ST6GALNAC3: variants seen among roughly 807,000 people sequenced by gnomAD.
ST6GALNAC3 encodes the protein alpha-N-acetylgalactosaminide alpha-2,6-sialyltransferase 3.
A neutral mutation model predicts 32.7 loss-of-function variants in ST6GALNAC3; 25 were observed. The ratio of observed to expected loss-of-function variants is 0.76; its 90% CI spans 0.56 to 1.07. The LOEUF (loss-of-function observed/expected upper bound fraction) is 1.07, where lower values mean the gene tolerates loss of function less well. ST6GALNAC3 is among the 50% of genes least tolerant of loss of function. The pLI, the probability that ST6GALNAC3 is intolerant of heterozygous loss-of-function variation, is 0.00. For synonymous variants in ST6GALNAC3, 129 were observed against 133.1 expected (o/e 0.97, Z 0.21); for missense variants, 355 against 382.4 (o/e 0.93, Z 0.60).
intron 3 of ST6GALNAC3, among the ~76,000 whole-genome samples, chr1:76,592,101 C>T (rs558382053): frequency 1.1e-3 from 171 of 152,226 alleles, no homozygotes; most frequent in African/African-American, 4.0e-3. Context: ...TGGAAAGCAA[C>T]TGAAGCCTTT....
At chr1:76,287,248 G>A (rs910147738) in intron 1 of ST6GALNAC3, among the ~76,000 whole-genome samples, 4 of 152,176 alleles carry the variant, frequency 2.6e-5, no homozygotes, top group Non-Finnish European at 4.4e-5. Flanking sequence ...AATGATTATA[G>A]AGTGTGTCTG....
intron 3 of ST6GALNAC3, among the ~76,000 whole-genome samples, chr1:76,544,917 A>G (rs866542257): frequency 6.6e-6 from 1 of 152,242 alleles, no homozygotes; most frequent in South Asian, 2.1e-4. Flanking sequence ...TAACACCCAC[A>G]AAGTAGAAAG....
intron 2 of ST6GALNAC3, among the ~76,000 whole-genome samples, chr1:76,382,907 G>C (rs745904612): frequency 6.6e-6 from 1 of 152,050 alleles, no homozygotes; most frequent in Non-Finnish European, 1.5e-5. Context: ...ACTTCAAAAG[G>C]CTTCATGGAC....
chr1:76,469,727 A>G (rs1658892950), intron 3 of ST6GALNAC3, among the ~76,000 whole-genome samples: 1 of 152,102 alleles, frequency 6.6e-6, no homozygotes, highest in South Asian at 2.1e-4. Flanking sequence ...TGGCAATGTA[A>G]TGCAACCACG....
At chr1:76,490,857 T>C (rs1484476643) in intron 3 of ST6GALNAC3, among the ~76,000 whole-genome samples, 3 of 122,586 alleles carry the variant, frequency 2.4e-5, no homozygotes, top group Non-Finnish European at 4.7e-5. Flanking sequence ...TCTTTTTTTC[T>C]TTTTTTTTGT....
chr1:76,368,485 A>T (rs1253050097), intron 2 of ST6GALNAC3, among the ~76,000 whole-genome samples: 1 of 152,104 alleles, frequency 6.6e-6, no homozygotes, highest in South Asian at 2.1e-4. Flanking sequence ...ATCTGATGGT[A>T]TGCCACTTCC....
At chr1:76,450,981 G>A (rs1390416870) in intron 3 of ST6GALNAC3, among the ~76,000 whole-genome samples, 1 of 152,292 alleles carries the variant, frequency 6.6e-6, no homozygotes. Context: ...GTCAGGTAAT[G>A]TGATGTCTTC....
chr1:76,392,317 A>G (rs1038953075), intron 2 of ST6GALNAC3, among the ~76,000 whole-genome samples: 4 of 152,230 alleles, frequency 2.6e-5, no homozygotes, highest in Non-Finnish European at 5.9e-5. Context: ...AACTTATCAC[A>G]TTATTTCCAA....
At chr1:76,555,164 A>G (rs1201232625) in intron 3 of ST6GALNAC3, among the ~76,000 whole-genome samples, 1 of 152,188 alleles carries the variant, frequency 6.6e-6, no homozygotes, top group African/African-American at 2.4e-5. Flanking sequence ...TAGAGTAAGT[A>G]TGTATTATAT....
intron 1 of ST6GALNAC3, among the ~76,000 whole-genome samples, chr1:76,302,284 G>C (rs1660772947): frequency 6.6e-6 from 1 of 152,058 alleles, no homozygotes; most frequent in African/African-American, 2.4e-5. Flanking sequence ...GTTATTTGCT[G>C]AGGTGTTTTG....
intron 1 of ST6GALNAC3, among the ~76,000 whole-genome samples, chr1:76,242,510 C>T (rs1164141894): frequency 6.6e-6 from 1 of 152,022 alleles, no homozygotes; most frequent in East Asian, 1.9e-4. Flanking sequence ...CACAGGTATA[C>T]ATGTGGCATG....
At chr1:76,375,693 C>G (rs1651167154) in intron 2 of ST6GALNAC3, among the ~76,000 whole-genome samples, 1 of 152,118 alleles carries the variant, frequency 6.6e-6, no homozygotes, top group Non-Finnish European at 1.5e-5. Context: ...TGGAGCATTG[C>G]TTACAGTAGG....
At chr1:76,573,441 A>G (rs1264230760) in intron 3 of ST6GALNAC3, among the ~76,000 whole-genome samples, 1 of 152,040 alleles carries the variant, frequency 6.6e-6, no homozygotes, top group Non-Finnish European at 1.5e-5. Context: ...CTGTGTGTGA[A>G]TTGCACACAC....
At chr1:76,500,067 A>G (rs747132343) in intron 3 of ST6GALNAC3, among the ~76,000 whole-genome samples, 2 of 152,134 alleles carry the variant, frequency 1.3e-5, no homozygotes, top group African/African-American at 4.8e-5. Context: ...CAACTTAAAT[A>G]TACATGCTTT....
At chr1:76,496,401 C>T (rs1335678572) in intron 3 of ST6GALNAC3, among the ~76,000 whole-genome samples, 2 of 152,102 alleles carry the variant, frequency 1.3e-5, no homozygotes, top group Non-Finnish European at 2.9e-5. Context: ...TGGTCAGATG[C>T]GAGGGATGGA....
At chr1:76,415,435 C>A (rs1276461751) in intron 3 of ST6GALNAC3, among the ~76,000 whole-genome samples, 1 of 151,670 alleles carries the variant, frequency 6.6e-6, no homozygotes. Flanking sequence ...CTTTATTTAC[C>A]AGTTTTAATG....
chr1:76,290,758 T>C (rs1427154373), intron 1 of ST6GALNAC3, among the ~76,000 whole-genome samples: 1 of 152,190 alleles, frequency 6.6e-6, no homozygotes, highest in Non-Finnish European at 1.5e-5. Context: ...TTCCTAGCAG[T>C]AACATCCCTG....
At chr1:76,116,459 C>T (rs2100822602) in intron 1 of ST6GALNAC3, among the ~76,000 whole-genome samples, 1 of 152,278 alleles carries the variant, frequency 6.6e-6, no homozygotes, top group East Asian at 1.9e-4. Context: ...ATGGAGGCAG[C>T]CACGTTGTTT....
chr1:76,218,928 G>T (rs899401868), intron 1 of ST6GALNAC3, among the ~76,000 whole-genome samples: 1 of 152,188 alleles, frequency 6.6e-6, no homozygotes, highest in African/African-American at 2.4e-5. Flanking sequence ...GGCACTAAGG[G>T]ATTTGCATGT....
Sources: gnomAD v4.1 joint callset for allele counts (sites outside exome capture counted in the v4.1 genomes callset) on GRCh38, gnomAD v4.1.1 for gene constraint, MANE v1.5 for transcripts, NCBI Gene and HGNC (gene_info 2026-07-23, HGNC 2026-07-21) for gene names.